Variants in ZFP64 observed in about 807,000 individuals in gnomAD.
ZFP64 encodes the protein zinc finger protein 64.
ZFP64 carries 14 observed loss-of-function variants against 51.6 expected under a neutral mutation model. That is an observed-to-expected ratio of 0.27 (90% CI 0.18 to 0.42). The LOEUF (loss-of-function observed/expected upper bound fraction) is 0.42. ZFP64 is among the 10% of genes least tolerant of loss of function. The pLI is 1.00. For synonymous variants in ZFP64, 375 were observed against 361.4 expected (o/e 1.04, Z -0.43); for missense variants, 754 against 906.8 (o/e 0.83, Z 2.16).
chr20:52,167,899 GTTTTCTCTTA>G, intron 2 of ZFP64, among the ~76,000 whole-genome samples: 4 of 152,076 alleles, frequency 2.6e-5, no homozygotes, highest in Non-Finnish European at 5.9e-5. Flanking sequence ...GTGCTAGTTT[GTTTTCTCTTA>G]AACACTATAT....
chr20:52,149,972 A>G (rs1980709164), downstream of ZFP64, among the ~76,000 whole-genome samples: 1 of 152,088 alleles, frequency 6.6e-6, no homozygotes, highest in Admixed American at 6.6e-5. Context: ...ACTTTGGGAG[A>G]CCGAGGTGGG....
chr20:52,140,078 T>C (rs151097339), intron 5 of ZFP64, among the ~76,000 whole-genome samples: 9 of 152,264 alleles, frequency 5.9e-5, no homozygotes, highest in East Asian at 1.9e-4. Context: ...ACCATGTCCA[T>C]ATAAGACGAC....
rs563337012 is a variant in ZFP64 at position 52,189,753 on chromosome 20, C to T, written c.46+1838G>A. Reference sequence around the variant, plus strand: ...CCTCCCAAAGTGCTAGGATTACAGGCGTGAGCCACCGTGCCTGGCCCTTTT... The same window carrying T: ...CCTCCCAAAGTGCTAGGATTACAGGTGTGAGCCACCGTGCCTGGCCCTTTT... On this transcript the variant is annotated intron_variant, in intron 1 of 5. Transcript: ENST00000216923. 3.3e-5 allele frequency among the ~76,000 whole-genome samples: 5 copies of T among 152,202 alleles called. No homozygotes were observed. The East Asian group carries it at 5.8e-4, about 18-fold the overall frequency.
intron 2 of ZFP64, chr20:52,175,857 C>CCAG: frequency 8.0e-6 from 3 of 376,072 alleles, no homozygotes; most frequent in Non-Finnish European, 7.3e-6. Flanking sequence ...CCCGCACCCC[C>CCAG]GCTGCCGCCC....
chr20:52,102,057 A>C (rs1006657732), intron 5 of ZFP64, among the ~76,000 whole-genome samples: 2 of 145,808 alleles, frequency 1.4e-5, no homozygotes, highest in African/African-American at 5.1e-5. Flanking sequence ...GGTTGCAGTG[A>C]GCCCAGATCG....
At position 52,185,427 on chromosome 20, in the gene ZFP64, G is replaced by C. The variant is rs560948544; in HGVS notation, c.286+1405C>G. Among the ~76,000 whole-genome samples, 11 of 152,258 alleles carry C rather than the reference G, an allele frequency of 7.2e-5. No homozygotes were observed. The South Asian group carries it at 2.1e-3, about 29-fold the overall frequency. On this transcript the variant is annotated intron_variant, in intron 2 of 5. Transcript: ENST00000216923. ...GAAATTTTAAATTTAAGATTTGAAA[G>C]CTATCACAAAATTGCCCTGGTTATA... is the stretch of plus-strand genomic sequence containing the variant.
intron 2 of ZFP64, among the ~76,000 whole-genome samples, chr20:52,176,254 T>TA (rs1414454921): frequency 1.3e-5 from 2 of 152,030 alleles, no homozygotes; most frequent in Non-Finnish European, 2.9e-5. Flanking sequence ...CCCAATCTCT[T>TA]AAAAAAACCC....
chr20:52,153,359 A>G lies in ZFP64; in HGVS notation c.833T>C (p.Met278Thr). Residue 278 changes from methionine to threonine, a missense_variant, in exon 6 of 6, where the codon ATG becomes ACG. Physicochemically the swap from Met to Thr is moderately conservative, Grantham distance 81. This residue lies in a region of ZFP64 where 231 missense variants were observed against 336.7 expected (regional missense o/e 0.69). Transcript: ENST00000216923. This position sits in a 1 kb window ranked among gnomAD's most constrained non-coding sequence, Gnocchi z 5.1. ...FKISSDLKRH[M>T]RVHSGEKPFK... ...AGGCTTCTCCCCCGAGTGCACCCGC[A>G]TGTGCCTTTTCAAGTCCGAGCTGAT... 6.2e-7 allele frequency: 1 copy of G among 1,614,188 alleles called. No homozygotes were observed.
chr20:52,154,232 C>T (rs868621102), intron 5 of ZFP64, among the ~76,000 whole-genome samples: 4 of 152,266 alleles, frequency 2.6e-5, no homozygotes, highest in Admixed American at 6.5e-5. Flanking sequence ...TAATATTCTT[C>T]GATGGCTTCC....
At chr20:52,110,738 A>T (rs1024821111) in intron 5 of ZFP64, 11 of 1,594,710 alleles carry the variant, frequency 6.9e-6, no homozygotes, top group African/African-American at 1.3e-5. Context: ...GCCCCAGTAC[A>T]TGGGACTGGG....
At chr20:52,099,225 T>C (rs2079025420) in intron 5 of ZFP64, among the ~76,000 whole-genome samples, 1 of 151,992 alleles carries the variant, frequency 6.6e-6, no homozygotes, top group South Asian at 2.1e-4. Context: ...TTCTGTAAAA[T>C]ATGATAAACA....
chr20:52,117,077 A>ACATG (rs1380330377), intron 5 of ZFP64, among the ~76,000 whole-genome samples: 1 of 143,470 alleles, frequency 7.0e-6, no homozygotes, highest in African/African-American at 2.6e-5. Flanking sequence ...TCTCACACAC[A>ACATG]CACGCACACA....
At chr20:52,163,600 T>C (rs1982005172) in intron 4 of ZFP64, among the ~76,000 whole-genome samples, 1 of 152,180 alleles carries the variant, frequency 6.6e-6, no homozygotes, top group Non-Finnish European at 1.5e-5. Context: ...CCCAGTGCAA[T>C]AAGGCACTTA....
At position 52,191,605 on chromosome 20, in the gene ZFP64, G is replaced by T; in HGVS notation, c.32C>A (p.Ala11Glu). 1.3e-6 allele frequency: 2 copies of T among 1,590,048 alleles called. No individual in the cohort carries two copies. ...AAAGCACTTACTTTGCACCGAGCCCGCGAAGCTCTCGCCCTCGCTGCTCGC... is the reference window on the plus strand; with the variant it reads ...AAAGCACTTACTTTGCACCGAGCCCTCGAAGCTCTCGCCCTCGCTGCTCGC... MNASSEGESF[A>E]GSVQIPGGTT... Residue 11 changes from alanine (A) to glutamate (E), a missense_variant, in exon 1 of 6, where the codon GCG becomes GAG. This residue lies in a region of ZFP64 where 95 missense variants were observed against 97.7 expected (regional missense o/e 0.97). Coordinates refer to ENST00000216923, the MANE Select transcript of ZFP64 (RefSeq NM_018197.3). This position sits in a 1 kb window ranked among gnomAD's most constrained non-coding sequence, Gnocchi z 4.3.
chr20:52,093,465 G>A (rs2078951477), intron 7 of ZFP64, among the ~76,000 whole-genome samples: 1 of 152,190 alleles, frequency 6.6e-6, no homozygotes, highest in Non-Finnish European at 1.5e-5. Flanking sequence ...TCTGGGGTCT[G>A]TGTATAAAAT....
downstream of ZFP64, among the ~76,000 whole-genome samples, chr20:52,150,049 C>CA: frequency 6.6e-6 from 1 of 151,944 alleles, no homozygotes; most frequent in Non-Finnish European, 1.5e-5. Context: ...ACTAAAAATA[C>CA]AAAAAATTAG....
chr20:52,097,670 G>A (rs923016750), intron 6 of ZFP64, among the ~76,000 whole-genome samples: 28 of 152,018 alleles, frequency 1.8e-4, no homozygotes, highest in African/African-American at 6.8e-4. Context: ...GGCCAGGCTG[G>A]TCTGGTCTCA....
intron 5 of ZFP64, among the ~76,000 whole-genome samples, chr20:52,132,355 T>A: frequency 6.8e-6 from 1 of 147,742 alleles, no homozygotes; most frequent in South Asian, 2.2e-4. Context: ...GTAGAAGAAA[T>A]AAGAAAGATC....
intron 5 of ZFP64, chr20:52,105,195 C>T (rs994894261): frequency 1.4e-6 from 2 of 1,435,872 alleles, no homozygotes; most frequent in Non-Finnish European, 1.8e-6. Context: ...CGCGGCTCCT[C>T]GGAGTTGAGG....
Sources: gnomAD v4.1 joint callset for allele counts (sites outside exome capture counted in the v4.1 genomes callset) on GRCh38, gnomAD v4.1.1 for gene constraint, gnomAD v4.1.1 regional missense constraint, Gnocchi (gnomAD v3.1) non-coding constraint, MANE v1.5 for transcripts, NCBI Gene and HGNC (gene_info 2026-07-23, HGNC 2026-07-21) for gene names.